Variants in NAPRT observed in about 807,000 individuals in gnomAD.
NAPRT encodes nicotinate phosphoribosyltransferase.
NAPRT carries 66 observed loss-of-function variants against 60.7 expected under a neutral mutation model. That is an observed-to-expected ratio of 1.09 (90% CI 0.89 to 1.33). NAPRT has a LOEUF of 1.33. Ranked by LOEUF, NAPRT falls within the 40% of genes most tolerant of loss-of-function variation. The pLI, the probability that NAPRT is intolerant of heterozygous loss-of-function variation, is 0.00. For synonymous variants in NAPRT, 405 were observed against 335.7 expected (o/e 1.21, Z -2.26); for missense variants, 818 against 731.5 (o/e 1.12, Z -1.36).
At chr8:143,574,727 C>A, downstream of NAPRT, 1 of 1,339,288 alleles carries the variant, frequency 7.5e-7, no homozygotes, top group Non-Finnish European at 1.0e-6. Flanking sequence ...CAGCCGCAGC[C>A]CGGGAGGCGC....
In NAPRT at chr8:143,575,306, G is replaced by T. The variant is rs929903877; in HGVS notation, c.1331C>A (p.Pro444Gln). The part of the protein sequence containing the change: ...LMDMLQLAEE[P>Q]VPQAGQELRV... ...CAGCTCCTGCCCAGCCTGTGGCACT[G>T]GCTCTTCTGCTAACTGCAGCATGTC... Residue 444 changes from proline to glutamine, a missense_variant, in exon 11 of 13, where the codon CCA (proline) becomes CAA (glutamine). By Grantham distance (76) the Pro-to-Gln change is moderately conservative. Coordinates refer to ENST00000449291, the MANE Select transcript of NAPRT (RefSeq NM_145201.6). 6.2e-7 allele frequency: 1 copy of T among 1,612,780 alleles called. No homozygotes were observed. Among genetic ancestry groups the T allele is most frequent in the East Asian group, 2.2e-5 (1 of 44,870 alleles).
chr8:143,578,068 G>A (rs758641479), intron 1 of NAPRT, 25 bp downstream of exon 1: 20 of 1,489,108 alleles, frequency 1.3e-5, no homozygotes, highest in African/African-American at 2.9e-5. Flanking sequence ...GGCGTGGGGG[G>A]CTCGTCGCGC....
In NAPRT at chr8:143,576,467, C is replaced by A. The variant is rs372036233; in HGVS notation, c.987G>T (p.Gln329His). 8.1e-6 allele frequency: 13 copies of A among 1,611,996 alleles called. 1 individual carries two copies. The highest frequency in any genetic ancestry group is 6.7e-5 in the African/African-American group (5 of 74,982). ...CAGCTCGGAAGACCTTGCGGATCTC[C>A]TGAGCCTGCTGTAGCAGGTCACCAC... ...LDSGDLLQQA[Q>H]EIRKVFRAAA... The change falls in exon 7 of 13, where the codon CAG becomes CAT. Residue 329 changes from glutamine (Q) to histidine (H), a missense_variant. Gln to His is a conservative substitution (Grantham distance 24). Coordinates refer to ENST00000449291, the MANE Select transcript of NAPRT (RefSeq NM_145201.6).
At chr8:143,576,609 G>A (rs558180390) in intron 6 of NAPRT, 37 bp from the exon 7 acceptor site, 4 of 1,605,700 alleles carry the variant, frequency 2.5e-6, no homozygotes, top group African/African-American at 2.7e-5. Context: ...GGCTGCTGAG[G>A]TTCTGCTGAG....
intron 3 of NAPRT, 28 bp downstream of exon 3, chr8:143,577,629 C>T (rs1824569444): frequency 7.2e-6 from 11 of 1,534,472 alleles, no homozygotes; most frequent in East Asian, 2.4e-5. Context: ...CCCATGCCCA[C>T]GCTCCCTGCC....
At position 143,576,581 on chromosome 8, in the gene NAPRT, A is replaced by G; in HGVS notation, c.882-9T>C. On this transcript the variant is annotated splice_polypyrimidine_tract_variant and intron_variant, in intron 6 of 12. Coordinates refer to ENST00000449291, the MANE Select transcript of NAPRT (RefSeq NM_145201.6). ...AGTTGGGGAGACCACTCCTGCAGAA[A>G]TAGATAAGGGAGTCAGAGGCTGCTG... is the stretch of plus-strand genomic sequence containing the variant. 1 of 1,610,000 alleles carries G rather than the reference A, an allele frequency of 6.2e-7. No individual in the cohort carries two copies. Among genetic ancestry groups the G allele is most frequent in the Non-Finnish European group, 8.5e-7 (1 of 1,178,494 alleles).
At chr8:143,574,670 G>A, downstream of NAPRT, 1 of 785,298 alleles carries the variant, frequency 1.3e-6, no homozygotes, top group Non-Finnish European at 2.1e-6. Context: ...CTTTCACTGG[G>A]ATGCAAATCT....
rs758873782 is a variant in NAPRT at position 143,577,800 on chromosome 8, G to T, written c.354+16C>A. The T allele has an allele frequency of 3.1e-5, 50 of 1,596,936 alleles. No homozygotes were observed. The highest frequency in any genetic ancestry group is 5.2e-5 in the Admixed American group (3 of 57,826). ...GCACCCCGTGGCCGCCGCGCCGCCCGCTTACCCCTACTCACTCCGGGGAAG... is the reference window on the plus strand; with the variant it reads ...GCACCCCGTGGCCGCCGCGCCGCCCTCTTACCCCTACTCACTCCGGGGAAG... On this transcript the variant is annotated intron_variant, in intron 2 of 12. Coordinates refer to ENST00000449291, the MANE Select transcript of NAPRT (RefSeq NM_145201.6).
At chr8:143,572,953 C>A (rs1246830791), downstream of NAPRT, 3 of 488,560 alleles carry the variant, frequency 6.1e-6, no homozygotes, top group East Asian at 1.0e-4. Context: ...GTGGCTCTAC[C>A]CACCAGGGCC....
At chr8:143,576,624 C>G (rs1824480264) in intron 6 of NAPRT, 22 bp downstream of exon 6, 1 of 1,605,522 alleles carries the variant, frequency 6.2e-7, no homozygotes, top group African/African-American at 1.3e-5. Context: ...GCTGAGCCCA[C>G]CCCTAAAGTG....
rs1479711621 is a variant in NAPRT, at chr8:143,574,900, C to T, written c.1555G>A (p.Val519Met). 1 of 1,550,530 alleles carries T rather than the reference C, an allele frequency of 6.4e-7. No individual in the cohort carries two copies. Among genetic ancestry groups the T allele is most frequent in the African/African-American group, 1.4e-5 (1 of 73,074 alleles). ...RRLRSPAQYQVVLSERLQALV... is the reference protein window; with the variant it reads ...RRLRSPAQYQMVLSERLQALV... ...GCCTGCAGCCTCTCGGACAGCACCA[C>T]CTGCAGGGAGCAGAGGACAGGAGCG... The change falls in exon 13 of 13, where the codon GTG becomes ATG. Residue 519 changes from valine to methionine, a missense_variant and splice_region_variant. Physicochemically the swap from Val to Met is conservative, Grantham distance 21. Coordinates refer to ENST00000449291, the MANE Select transcript of NAPRT (RefSeq NM_145201.6).
chr8:143,573,055 C>A (rs780187067), downstream of NAPRT: 27 of 345,112 alleles, frequency 7.8e-5, no homozygotes, highest in Non-Finnish European at 1.4e-4. Context: ...GACCAGGGAG[C>A]TCAGGGCAGT....
At chr8:143,576,945 G>T in intron 5 of NAPRT, 103 bp from the exon 6 acceptor site, 2 of 1,494,890 alleles carry the variant, frequency 1.3e-6, no homozygotes, top group Non-Finnish European at 1.8e-6. Context: ...TGCAGCCCGT[G>T]CCAGCTTCCT....
rs1824435225 is a variant in NAPRT, at chr8:143,576,095, C to T, written c.1090G>A (p.Ala364Thr). The change falls in exon 8 of 13, where the codon GCC (alanine) becomes ACC (threonine). Residue 364 changes from alanine to threonine, a missense_variant. By Grantham distance (58) the Ala-to-Thr change is moderately conservative (BLOSUM62 0). Transcript: ENST00000449291. Reference sequence around the variant, plus strand: ...CACCCCACCTCCTGGGCCAGTCGGGCCAGCGCCTCCTCGTCAATGTTGTTG... The same window carrying T: ...CACCCCACCTCCTGGGCCAGTCGGGTCAGCGCCTCCTCGTCAATGTTGTTG... ...VSNNIDEEAL[A>T]RLAQEGSEVN... 7 of 1,602,238 alleles carry T rather than the reference C, an allele frequency of 4.4e-6. No individual in the cohort carries two copies. The highest frequency in any genetic ancestry group is 6.0e-6 in the Non-Finnish European group (7 of 1,172,598).
At position 143,578,082 on chromosome 8, in the gene NAPRT, C is replaced by G. The variant is rs749202369; in HGVS notation, c.226+11G>C. 26 of 1,507,210 alleles carry G rather than the reference C, an allele frequency of 1.7e-5. No homozygotes were observed. The highest frequency in any genetic ancestry group is 2.1e-5 in the Non-Finnish European group (24 of 1,135,232). 93.4% of individuals were successfully genotyped at this position (1,507,210 alleles called of 1,614,324 possible). A position where few individuals can be genotyped will look rare whatever the true frequency, so the allele number is the denominator to read the frequency against. On this transcript the variant is annotated intron_variant, in intron 1 of 12. Coordinates refer to ENST00000449291, the MANE Select transcript of NAPRT (RefSeq NM_145201.6). The stretch of plus-strand genomic sequence containing the variant: ...GGGCGTGGGGGGCTCGTCGCGCGGA[C>G]GGGGGACTACCGGCGTCCCGCAGGC...
chr8:143,577,494 G>T, intron 3 of NAPRT, 95 bp from the exon 4 acceptor site: 1 of 1,476,630 alleles, frequency 6.8e-7, no homozygotes, highest in East Asian at 2.5e-5. Flanking sequence ...CAACCTGGGA[G>T]CTCCACCCTC....
rs371481966 is a variant in NAPRT at position 143,575,424 on chromosome 8, G to A, written c.1290C>T (p.Asp430=). Residue 430 remains aspartate (D), a splice_region_variant and synonymous_variant, in exon 10 of 13, where the codon GAC becomes GAT. Coordinates refer to ENST00000449291, the MANE Select transcript of NAPRT (RefSeq NM_145201.6). The part of the protein sequence containing the change: ...SKAAFRLLGS[D]GSPLMDMLQL... ...GCAGGGGGGATGGGAGGGCCTCACC[G>A]TCAGAGCCCAGGAGCCGGAAAGCAG... 2.1e-5 allele frequency: 34 copies of A among 1,592,014 alleles called. No homozygotes were observed. The highest frequency in any genetic ancestry group is 2.3e-5 in the Non-Finnish European group (27 of 1,162,842).
chr8:143,576,686 G>A lies in NAPRT; in HGVS notation c.841C>T (p.Arg281Trp), dbSNP rs574124428. 109 of 1,611,030 alleles carry A rather than the reference G, an allele frequency of 6.8e-5. No individual in the cohort carries two copies. The East Asian group carries it at 1.5e-3, about 22-fold the overall frequency. The change falls in exon 6 of 13, where the codon CGG (arginine) becomes TGG (tryptophan). Residue 281 changes from arginine (R) to tryptophan (W), a missense_variant. Coordinates refer to ENST00000449291, the MANE Select transcript of NAPRT (RefSeq NM_145201.6). The stretch of plus-strand genomic sequence containing the variant: ...GTGTCCAGGAGGCCCTGGAAGGCCC[G>A]GGGAAAAGCCAAGGCATAGGCCACA... ...AFVAYALAFP[R>W]AFQGLLDTYS...
chr8:143,574,612 C>T (rs1824293541), downstream of NAPRT: 20 of 623,892 alleles, frequency 3.2e-5, no homozygotes, highest in South Asian at 3.8e-4. Flanking sequence ...TCCTCACTGC[C>T]CTTCGGGCTT....
Sources: gnomAD v4.1 joint callset for allele counts on GRCh38, gnomAD v4.1.1 for gene constraint, MANE v1.5 for transcripts, NCBI Gene and HGNC (gene_info 2026-07-23, HGNC 2026-07-21) for gene names.